The following ALOX15 variants were observed in gnomAD, a reference collection of about 807,000 sequenced individuals.
ALOX15 encodes the protein polyunsaturated fatty acid lipoxygenase ALOX15.
Under a neutral mutation model 71.7 loss-of-function variants are expected in ALOX15, and 68 were observed. The ratio of observed to expected loss-of-function variants is 0.95; its 90% CI spans 0.78 to 1.16. ALOX15 has a LOEUF of 1.16. ALOX15 is among the 50% of genes most tolerant of loss of function. The pLI is 0.00. For missense variants in ALOX15, 798 were observed against 818.8 expected (o/e 0.97, Z 0.31); for synonymous variants, 346 against 333.3 (o/e 1.04, Z -0.42).
chr17:4,631,557 G>A lies in ALOX15; in HGVS notation c.*43C>T. 6.2e-7 allele frequency: 1 copy of A among 1,606,138 alleles called. No individual in the cohort carries two copies. Among genetic ancestry groups the A allele is most frequent in the Non-Finnish European group, 8.5e-7 (1 of 1,177,462 alleles). On this transcript the variant is annotated 3_prime_UTR_variant, in exon 14 of 14. Transcript: ENST00000293761. ...TATAACCACGAAGGGGTCAGCTTGTGGCTTGGGTGATGGGGGCTGAAATAA... is the reference window on the plus strand; with the variant it reads ...TATAACCACGAAGGGGTCAGCTTGTAGCTTGGGTGATGGGGGCTGAAATAA...
chr17:4,637,551 A>G (rs1382990993), intron 6 of ALOX15, among the ~76,000 whole-genome samples: 1 of 152,028 alleles, frequency 6.6e-6, no homozygotes. Flanking sequence ...CTACAGGTGC[A>G]TGCCACTACA....
intron 1 of ALOX15, 172 bp from the exon 2 acceptor site, chr17:4,639,803 C>T: frequency 1.6e-6 from 1 of 636,922 alleles, no homozygotes; most frequent in Non-Finnish European, 2.6e-6. Context: ...GCAGGTGGCC[C>T]CAGGACTCGG....
At position 4,631,657 on chromosome 17, in the gene ALOX15, C is replaced by T. The variant is rs1910901457; in HGVS notation, c.1932G>A (p.Leu644=). The T allele has an allele frequency of 6.2e-7, 1 of 1,614,156 alleles. No homozygotes were observed. Among genetic ancestry groups the T allele is most frequent in the East Asian group, 2.2e-5 (1 of 44,886 alleles). Reference sequence around the variant, plus strand: ...GCCGCAGGTACTCGTAGGGCATGTCCAGCTTTGCATTCCGGATCTCAATTT... The same window carrying T: ...GCCGCAGGTACTCGTAGGGCATGTCTAGCTTTGCATTCCGGATCTCAATTT... ...DKEIEIRNAK[L]DMPYEYLRPS... The change falls in exon 14 of 14, where the codon CTG becomes CTA. Residue 644 remains leucine (L), a synonymous_variant. Transcript: ENST00000293761.
At chr17:4,633,092 ACATGT>A in intron 10 of ALOX15, 49 bp downstream of exon 10, 1 of 1,608,314 alleles carries the variant, frequency 6.2e-7, no homozygotes, top group Non-Finnish European at 8.5e-7. Context: ...CTGCTCTCCT[ACATGT>A]CTTCTCCACC....
intron 7 of ALOX15, 45 bp downstream of exon 7, chr17:4,637,070 T>G: frequency 1.3e-6 from 2 of 1,578,950 alleles, no homozygotes; most frequent in Non-Finnish European, 1.7e-6. Context: ...GGCTGAGCTT[T>G]CTCAAAAGCC....
intron 7 of ALOX15, 102 bp from the exon 8 acceptor site, chr17:4,636,070 G>C: frequency 7.9e-7 from 1 of 1,272,296 alleles, no homozygotes; most frequent in Non-Finnish European, 1.1e-6. Flanking sequence ...CTCCAAACCT[G>C]TTCTGCTTTC....
chr17:4,640,960 G>A (rs1449765217), intron 1 of ALOX15, among the ~76,000 whole-genome samples: 3 of 151,654 alleles, frequency 2.0e-5, no homozygotes. Context: ...ATCTGGGAGA[G>A]AGCTAGAGCA....
chr17:4,632,048 C>T lies in ALOX15; in HGVS notation c.1650G>A (p.Trp550Ter), dbSNP rs139746240. The T allele has an allele frequency of 6.8e-5, 109 of 1,611,262 alleles. No individual in the cohort carries two copies. The highest frequency in any genetic ancestry group is 8.8e-5 in the Non-Finnish European group (104 of 1,178,452). ...HASVHLGQLD[W>*]YSWVPNAPCT... Reference sequence around the variant, plus strand: ...AGGGTGCATTAGGCACCCAAGAGTACCAGTCCAGCTAAGGAAGGGCAGGGA... The same window carrying T: ...AGGGTGCATTAGGCACCCAAGAGTATCAGTCCAGCTAAGGAAGGGCAGGGA... The change falls in exon 13 of 14, where the codon TGG (tryptophan) becomes TGA (stop). Residue 550 changes from tryptophan to a stop codon, truncating the protein, a stop_gained. Coordinates refer to ENST00000293761, the MANE Select transcript of ALOX15 (RefSeq NM_001140.5). LOFTEE classifies it high-confidence loss of function.
Position 4,633,214 on chromosome 17 carries a change from C to CCG in ALOX15, c.1348_1349dup (p.Leu452GlyfsTer5). 6.2e-7 allele frequency: 1 copy of CCG among 1,614,190 alleles called. No homozygotes were observed. The highest frequency in any genetic ancestry group is 8.5e-7 in the Non-Finnish European group (1 of 1,180,028). On this transcript the variant is annotated frameshift_variant, in exon 10 of 14. Transcript: ENST00000293761. LOFTEE classifies it high-confidence loss of function. ...AGGAAGACTTCACTCCCAGGAGCCC[C>CCG]CGGTCGGCCAAGTCATCAGGGGGAC...
In ALOX15 at chr17:4,631,626, C is replaced by T. The variant is rs770087312; in HGVS notation, c.1963G>A (p.Val655Met). The T allele has an allele frequency of 2.5e-5, 40 of 1,613,452 alleles. No individual in the cohort carries two copies. The Admixed American group carries it at 2.7e-4, about 11-fold the overall frequency. ...TAGATGGCCACACTGTTTTCCACCA[C>T]GCTGGGCCGCAGGTACTCGTAGGGC... ...DMPYEYLRPS[V>M]VENSVAI The change falls in exon 14 of 14, where the codon GTG becomes ATG. Residue 655 changes from valine (V) to methionine (M), a missense_variant. Val to Met is a conservative substitution (Grantham distance 21). This residue lies in a region of ALOX15 where 490 missense variants were observed against 509.4 expected (regional missense o/e 0.96). Transcript: ENST00000293761.
chr17:4,639,468 AC>A lies in ALOX15; in HGVS notation c.298del (p.Val100TrpfsTer7). ...DEVRFPCYRW[V>X]EGNGVLSLPE... ...CAGGCTCAGGACGCCGTTGCCCTCC[AC>A]CCAGCGGTAACAAGGGAACCTGACC... On this transcript the variant is annotated frameshift_variant, in exon 2 of 14. Transcript: ENST00000293761. LOFTEE classifies it high-confidence loss of function. 6.2e-7 allele frequency: 1 copy of A among 1,613,456 alleles called. No homozygotes were observed. The highest frequency in any genetic ancestry group is 1.7e-4 in the Middle Eastern group (1 of 6,058).
chr17:4,636,198 T>C (rs937288643), intron 7 of ALOX15, among the ~76,000 whole-genome samples: 1 of 152,188 alleles, frequency 6.6e-6, no homozygotes, highest in Non-Finnish European at 1.5e-5. Flanking sequence ...GAAACTGCTC[T>C]TCTGGTGCCT....
intron 7 of ALOX15, 86 bp downstream of exon 7, chr17:4,637,029 T>C: frequency 6.6e-7 from 1 of 1,504,694 alleles, no homozygotes; most frequent in Non-Finnish European, 9.0e-7. Flanking sequence ...CCAGTGCCTT[T>C]GCAGATGGTG....
At chr17:4,639,165 T>G in intron 2 of ALOX15, 33 bp from the exon 3 acceptor site, 1 of 1,612,400 alleles carries the variant, frequency 6.2e-7, no homozygotes, top group Non-Finnish European at 8.5e-7. Context: ...GGCCAGTGAC[T>G]TTTGGTGAGC....
chr17:4,639,199 G>C, intron 2 of ALOX15, 67 bp from the exon 3 acceptor site: 6 of 1,582,734 alleles, frequency 3.8e-6, no homozygotes, highest in Non-Finnish European at 5.2e-6. Flanking sequence ...TCTGCCAGGA[G>C]AGCCTCAGCA....
At chr17:4,634,450 G>C (rs1170121920) in intron 8 of ALOX15, among the ~76,000 whole-genome samples, 7 of 151,348 alleles carry the variant, frequency 4.6e-5, no homozygotes. Flanking sequence ...TTACAGGCGT[G>C]AACCACCGTG....
chr17:4,639,572 C>G lies in ALOX15; in HGVS notation c.195G>C (p.Leu65=). The part of the protein sequence containing the change: ...EYLGPLLFVK[L]RKRHLLKDDA... ...CGTCCTTAAGGAGGTGCCGTTTGCG[C>G]AGTTTCACAAACAGCAGCGGCCCCA... The change falls in exon 2 of 14, where the codon CTG becomes CTC. Residue 65 remains leucine (L), a synonymous_variant. Coordinates refer to ENST00000293761, the MANE Select transcript of ALOX15 (RefSeq NM_001140.5). 1 of 1,614,104 alleles carries G rather than the reference C, an allele frequency of 6.2e-7. No homozygotes were observed. The highest frequency in any genetic ancestry group is 8.5e-7 in the Non-Finnish European group (1 of 1,180,038).
chr17:4,639,316 C>G (rs897331620), intron 2 of ALOX15, 114 bp downstream of exon 2: 8 of 1,425,580 alleles, frequency 5.6e-6, no homozygotes, highest in Non-Finnish European at 7.7e-6. Flanking sequence ...CCCCCAAAGA[C>G]CCCGGCGCTC....
chr17:4,631,437 A>C lies in ALOX15; in HGVS notation c.*163T>G. ...GTAAGGTCCCAGGTGATGCCTCTAG[A>C]GTAAAATGTGTTCACTGGGTGCAGA... On this transcript the variant is annotated 3_prime_UTR_variant, in exon 14 of 14. Coordinates refer to ENST00000293761, the MANE Select transcript of ALOX15 (RefSeq NM_001140.5). 1.3e-6 allele frequency: 1 copy of C among 769,600 alleles called. No individual in the cohort carries two copies. The highest frequency in any genetic ancestry group is 2.0e-6 in the Non-Finnish European group (1 of 491,532). 47.7% of individuals were successfully genotyped at this position (769,600 alleles called of 1,614,324 possible). A position where few individuals can be genotyped will look rare whatever the true frequency, so the allele number is the denominator to read the frequency against.
Sources: gnomAD v4.1 joint callset for allele counts (sites outside exome capture counted in the v4.1 genomes callset) on GRCh38, gnomAD v4.1.1 for gene constraint, gnomAD v4.1.1 regional missense constraint, MANE v1.5 for transcripts, NCBI Gene and HGNC (gene_info 2026-07-23, HGNC 2026-07-21) for gene names.